RPS6KC1: variants seen among roughly 807,000 people sequenced by gnomAD.
RPS6KC1 encodes ribosomal protein S6 kinase C1, also known as inactive ribosomal protein S6 kinase delta-1.
In RPS6KC1, 54 loss-of-function variants were observed where a neutral mutation model predicts 103.8. The observed-to-expected ratio is 0.52, with a 90% CI of 0.42 to 0.65. The LOEUF is 0.65. RPS6KC1 is among the 30% of genes least tolerant of loss of function. RPS6KC1 has a pLI of 0.00. For missense variants in RPS6KC1, 1,151 were observed against 1,253.8 expected, an observed-to-expected ratio of 0.92 and a Z score of 1.24; for synonymous variants, 439 against 438.7, an observed-to-expected ratio of 1.00 and a Z score of -0.01.
At chr1:213,406,963 A>T in the RPS6KC1 span, among the ~76,000 whole-genome samples, 1 of 152,158 alleles carries the variant, frequency 6.6e-6, no homozygotes, top group South Asian at 2.1e-4. Flanking sequence ...TACCCAGTTC[A>T]TTCACTTGCA....
chr1:213,341,197 G>A, the RPS6KC1 span, among the ~76,000 whole-genome samples: 3 of 152,092 alleles, frequency 2.0e-5, no homozygotes, highest in Non-Finnish European at 4.4e-5. Flanking sequence ...TTATCTTCAC[G>A]GCTCTCAGAC....
chr1:213,664,199 G>A, the RPS6KC1 span, among the ~76,000 whole-genome samples: 1 of 141,612 alleles, frequency 7.1e-6, no homozygotes, highest in Non-Finnish European at 1.6e-5. Flanking sequence ...GAGCGGGGGG[G>A]CGGGGTGGGG....
chr1:213,333,519 T>C, the RPS6KC1 span, among the ~76,000 whole-genome samples: 12 of 152,290 alleles, frequency 7.9e-5, no homozygotes, highest in East Asian at 2.1e-3. Flanking sequence ...TCTTGCGAGG[T>C]GCTCAGGGTC....
the RPS6KC1 span, among the ~76,000 whole-genome samples, chr1:213,440,299 T>C: frequency 2.0e-5 from 3 of 152,258 alleles, no homozygotes; most frequent in South Asian, 6.2e-4. Context: ...TCCAGAAGAC[T>C]TGAAGACAAG....
chr1:213,115,035 C>G (rs910710797), intron 4 of RPS6KC1, among the ~76,000 whole-genome samples: 3 of 152,122 alleles, frequency 2.0e-5, no homozygotes, highest in Non-Finnish European at 4.4e-5. Flanking sequence ...GTGTCTCTGC[C>G]CAGCTTTGGT....
At chr1:213,497,285 C>T in the RPS6KC1 span, among the ~76,000 whole-genome samples, 17 of 152,088 alleles carry the variant, frequency 1.1e-4, no homozygotes, top group Admixed American at 2.6e-4. Context: ...TATGCCTCAA[C>T]TGAAAACCTC....
chr1:213,423,171 G>A, the RPS6KC1 span, among the ~76,000 whole-genome samples: 1 of 152,182 alleles, frequency 6.6e-6, no homozygotes, highest in East Asian at 1.9e-4. Flanking sequence ...GGCTGAATGT[G>A]ACTTTATTTG....
the RPS6KC1 span, among the ~76,000 whole-genome samples, chr1:213,363,593 C>CCTCACTTGCTTG: frequency 9.4e-6 from 1 of 106,414 alleles, no homozygotes. Context: ...ATTCTTTAGC[C>CCTCACTTGCTTG]CTTGCTCGCT....
chr1:213,574,313 G>C, the RPS6KC1 span, among the ~76,000 whole-genome samples: 3 of 152,058 alleles, frequency 2.0e-5, no homozygotes, highest in Non-Finnish European at 4.4e-5. Context: ...GTTGGAATCT[G>C]ATCAGCTTAC....
the RPS6KC1 span, among the ~76,000 whole-genome samples, chr1:213,778,296 T>TG: frequency 6.6e-6 from 1 of 152,212 alleles, no homozygotes; most frequent in Non-Finnish European, 1.5e-5. Context: ...CCAGGTGGTA[T>TG]GCAGATTTTC....
At chr1:213,769,854 C>A in the RPS6KC1 span, among the ~76,000 whole-genome samples, 21 of 152,242 alleles carry the variant, frequency 1.4e-4, no homozygotes, top group Admixed American at 1.2e-3. Flanking sequence ...GTAAAATAGT[C>A]GTGCCAGCTG....
the RPS6KC1 span, among the ~76,000 whole-genome samples, chr1:213,455,593 A>G: frequency 6.6e-6 from 1 of 152,096 alleles, no homozygotes; most frequent in Non-Finnish European, 1.5e-5. Flanking sequence ...TAAAATTGAG[A>G]TGTCCTTCTC....
the RPS6KC1 span, among the ~76,000 whole-genome samples, chr1:213,790,652 A>G: frequency 6.6e-6 from 1 of 152,196 alleles, no homozygotes; most frequent in Admixed American, 6.5e-5. Flanking sequence ...TTGCCGTATC[A>G]TCCACTATCC....
In RPS6KC1 at chr1:213,167,439, A is replaced by AAAACAC. The variant is rs552454495; in HGVS notation, c.836-418_836-417insAACACA. 1.4e-4 allele frequency among the ~76,000 whole-genome samples: 11 copies of AAAACAC among 75,990 alleles called. No individual in the cohort carries two copies. The East Asian group carries it at 2.1e-3, about 14-fold the overall frequency. The allele number at this position is 75,990 out of a possible 152,430, so 49.9% of individuals were successfully genotyped here. ...TTTTTAGAAAAAAACCAAGGTTGAA[A>AAAACAC]ACACACACACACACACACACACACA... On this transcript the variant is annotated intron_variant, in intron 6 of 14. Coordinates refer to ENST00000366960, the MANE Select transcript of RPS6KC1 (RefSeq NM_012424.6).
At chr1:213,183,533 ATAC>A (rs557251806) in intron 8 of RPS6KC1, among the ~76,000 whole-genome samples, 117 of 152,260 alleles carry the variant, frequency 7.7e-4, no homozygotes, top group Non-Finnish European at 1.4e-3. Context: ...ACAAACAGTT[ATAC>A]TACTAAGTAA....
chr1:213,358,065 T>A, the RPS6KC1 span, among the ~76,000 whole-genome samples: 1 of 152,162 alleles, frequency 6.6e-6, no homozygotes, highest in African/African-American at 2.4e-5. Context: ...TTTGCATCGA[T>A]GTTCATCAGG....
chr1:213,064,635 T>C (rs2078141337), intron 1 of RPS6KC1, among the ~76,000 whole-genome samples: 1 of 151,326 alleles, frequency 6.6e-6, no homozygotes, highest in South Asian at 2.1e-4. Context: ...CCCAAAGTGC[T>C]GAGATTACAG....
At position 213,273,743 on chromosome 1, in the gene RPS6KC1, T is replaced by C. The variant is rs916621611; in HGVS notation, c.*1109T>C. ...AAGTATTCACACATCTCCAAACATT[T>C]GTATTTGTTACTTCTTTTTGTTGCT... On this transcript the variant is annotated 3_prime_UTR_variant, in exon 15 of 15. Coordinates refer to ENST00000366960, the MANE Select transcript of RPS6KC1 (RefSeq NM_012424.6). 2 of 152,234 alleles carry C rather than the reference T, an allele frequency of 1.3e-5. No individual in the cohort carries two copies. The highest frequency in any genetic ancestry group is 4.8e-5 in the African/African-American group (2 of 41,464). The allele number at this position is 152,234 out of a possible 1,614,324, so 9.4% of individuals were successfully genotyped here. A position where few individuals can be genotyped will look rare whatever the true frequency, so the allele number is the denominator to read the frequency against.
At chr1:213,728,937 G>GTTTTTTTTTTTTTTTT in the RPS6KC1 span, among the ~76,000 whole-genome samples, 331 of 93,398 alleles carry the variant, frequency 3.5e-3, 69 homozygotes, top group South Asian at 5.4e-3. Context: ...GAACATGAGG[G>GTTTTTTTTTTTTTTTT]TTTTTTTTTT....
Sources: allele counts gnomAD v4.1 joint callset (sites outside exome capture counted in the v4.1 genomes callset), GRCh38; gene constraint gnomAD v4.1.1; transcripts MANE v1.5; gene names NCBI Gene and HGNC (gene_info 2026-07-23, HGNC 2026-07-21).